The following WDR81 variants were observed in gnomAD, a reference collection of about 807,000 sequenced individuals.
The protein encoded by WDR81 is WD repeat domain 81, also known as WD repeat-containing protein 81.
WDR81 carries 92 observed loss-of-function variants against 140.8 expected under a neutral mutation model. That is an observed-to-expected ratio of 0.65 (90% confidence interval 0.55 to 0.78). The LOEUF (loss-of-function observed/expected upper bound fraction) is 0.78. WDR81 is among the 30% of genes least tolerant of loss of function. The pLI, the probability that WDR81 is intolerant of heterozygous loss-of-function variation, is 0.00. For synonymous variants in WDR81, 1,183 were observed against 1,156.4 expected (o/e 1.02, Z -0.47); for missense variants, 2,502 against 2,636.4 (o/e 0.95, Z 1.12).
intron 1 of WDR81, among the ~76,000 whole-genome samples, chr17:1,717,575 T>A (rs1212000682): frequency 1.3e-5 from 2 of 152,192 alleles, no homozygotes; most frequent in Non-Finnish European, 2.9e-5. Context: ...CTTCCTGCCT[T>A]GCGCCCCAGT....
At chr17:1,718,654 C>A (rs1174460528) in intron 1 of WDR81, among the ~76,000 whole-genome samples, 2 of 152,184 alleles carry the variant, frequency 1.3e-5, no homozygotes, top group Non-Finnish European at 2.9e-5. Context: ...CAGGGTCACT[C>A]CAGGACAAGC....
At chr17:1,724,451 C>CCGGG (rs201321353), upstream of WDR81, 2,917 of 984,398 alleles carry the variant, frequency 3.0e-3, 70 homozygotes, top group African/African-American at 0.046. Flanking sequence ...GGAACAGCCT[C>CCGGG]CGGGACCCGC....
Position 1,726,201 on chromosome 17 carries a change from C to T in WDR81, c.1242C>T (p.Asp414=). 1 of 1,525,138 alleles carries T rather than the reference C, an allele frequency of 6.6e-7. No individual in the cohort carries two copies. Among genetic ancestry groups the T allele is most frequent in the Non-Finnish European group, 8.8e-7 (1 of 1,130,710 alleles). The allele number at this position is 1,525,138 out of a possible 1,614,324, so 94.5% of individuals were successfully genotyped here. A position where few individuals can be genotyped will look rare whatever the true frequency, so the allele number is the denominator to read the frequency against. Residue 414 remains aspartate (D), a synonymous_variant, in exon 1 of 10, where the codon GAC becomes GAT. Coordinates refer to ENST00000409644, the MANE Select transcript of WDR81 (RefSeq NM_001163809.2). ...FRLNKGDKQL[D]FTYEMTRQAF... is the part of the protein sequence containing the mutation. ...TCAACAAGGGGGATAAGCAACTGGA[C>T]TTCACGTATGAGATGACACGGCAGG...
Position 1,728,530 on chromosome 17 carries a change from G to A in WDR81, c.3571G>A (p.Glu1191Lys). 6.4e-7 allele frequency: 1 copy of A among 1,562,492 alleles called. No homozygotes were observed. Among genetic ancestry groups the A allele is most frequent in the East Asian group, 2.4e-5 (1 of 42,522 alleles). ...LTLSDTVLSM[E>K]TVVAGGSGGD... The stretch of plus-strand genomic sequence containing the variant: ...TCTGTCTGACACGGTGCTGTCCATG[G>A]AGACGGTTGTGGCCGGCGGCAGTGG... The change falls in exon 1 of 10, where the codon GAG becomes AAG. Residue 1191 changes from glutamate (E) to lysine (K), a missense_variant. By Grantham distance (56) the Glu-to-Lys change is moderately conservative (BLOSUM62 1). Around this residue, in one of 3 missense-constraint regions of WDR81, gnomAD observed 1,737 missense variants for 1,843.0 expected, o/e 0.94. Transcript: ENST00000409644.
At position 1,735,770 on chromosome 17, in the gene WDR81, AAGG is replaced by A. The variant is rs762263595; in HGVS notation, c.5325+59_5325+61del. 1.9e-6 allele frequency: 3 copies of A among 1,558,638 alleles called. No individual in the cohort carries two copies. Among genetic ancestry groups the A allele is most frequent in the Non-Finnish European group, 1.7e-6 (2 of 1,152,198 alleles). On this transcript the variant is annotated intron_variant, in intron 8 of 9. Coordinates refer to ENST00000409644, the MANE Select transcript of WDR81 (RefSeq NM_001163809.2). This position sits in a 1 kb window ranked among gnomAD's most constrained non-coding sequence, Gnocchi z 4.2. ...TCGCCTGGTTCTCTGGGGACCTGGC[AAGG>A]AGGAGAGACTCCCCAAAAACAGAAA...
Position 1,730,888 on chromosome 17 carries a change from C to T in WDR81, c.3909C>T (p.Ala1303=). 6.2e-7 allele frequency: 1 copy of T among 1,613,238 alleles called. No homozygotes were observed. The highest frequency in any genetic ancestry group is 8.5e-7 in the Non-Finnish European group (1 of 1,179,984). ...GPVLSCLLHI[A]RLYGEPVLTY... Reference sequence around the variant, plus strand: ...TGCTCAGCTGCCTCCTCCACATCGCCCGCCTGTATGGGGAGCCTGTCCTCA... The same window carrying T: ...TGCTCAGCTGCCTCCTCCACATCGCTCGCCTGTATGGGGAGCCTGTCCTCA... The change falls in exon 3 of 10, where the codon GCC becomes GCT. Residue 1303 remains alanine (A), a synonymous_variant. Transcript: ENST00000409644.
At chr17:1,720,864 G>A (rs1046067805), upstream of WDR81, among the ~76,000 whole-genome samples, 1 of 151,972 alleles carries the variant, frequency 6.6e-6, no homozygotes, top group African/African-American at 2.4e-5. Flanking sequence ...ATCCCAGTGC[G>A]CCAGTTCCCA....
Position 1,727,059 on chromosome 17 carries a change from A to G in WDR81, c.2100A>G (p.Pro700=). 6.5e-7 allele frequency: 1 copy of G among 1,550,248 alleles called. No homozygotes were observed. The highest frequency in any genetic ancestry group is 8.7e-7 in the Non-Finnish European group (1 of 1,146,886). The change falls in exon 1 of 10, where the codon CCA becomes CCG. Residue 700 remains proline (P), a synonymous_variant. Coordinates refer to ENST00000409644, the MANE Select transcript of WDR81 (RefSeq NM_001163809.2). ...LSFSVASASR[P]GRRNKAAGAD... ...TCTCAGTGGCCTCAGCCTCCCGTCC[A>G]GGCCGCAGGAATAAAGCTGCTGGGG...
chr17:1,725,111 G>C lies in WDR81; in HGVS notation c.152G>C (p.Gly51Ala). ...DPRQLAPAPG[G>A]THVVALVPAR... ...AGGCAGCTGGCTCCGGCCCCGGGGG[G>C]CACCCACGTGGTGGCCCTAGTGCCT... Residue 51 changes from glycine (G) to alanine (A), a missense_variant, in exon 1 of 10, where the codon GGC becomes GCC. Transcript: ENST00000409644. 6.6e-7 allele frequency: 1 copy of C among 1,513,762 alleles called. No homozygotes were observed. The highest frequency in any genetic ancestry group is 8.8e-7 in the Non-Finnish European group (1 of 1,132,290). 93.8% of individuals were successfully genotyped at this position (1,513,762 alleles called of 1,614,324 possible). A position where few individuals can be genotyped will look rare whatever the true frequency, so the allele number is the denominator to read the frequency against.
At position 1,737,597 on chromosome 17, in the gene WDR81, G is replaced by A. The variant is rs755777471; in HGVS notation, c.5738G>A (p.Arg1913His). The change falls in exon 10 of 10, where the codon CGC becomes CAC. Residue 1913 changes from arginine to histidine, a missense_variant. Around this residue, in one of 3 missense-constraint regions of WDR81, gnomAD observed 1,737 missense variants for 1,843.0 expected, o/e 0.94. Coordinates refer to ENST00000409644, the MANE Select transcript of WDR81 (RefSeq NM_001163809.2). ...ATTKLSSENF[R>H]GTLTSLALLP... Reference sequence around the variant, plus strand: ...ACGAAGCTCAGCTCTGAGAACTTCCGCGGCACGCTCACCAGCCTGGCCTTG... The same window carrying A: ...ACGAAGCTCAGCTCTGAGAACTTCCACGGCACGCTCACCAGCCTGGCCTTG... The A allele has an allele frequency of 2.1e-5, 34 of 1,612,622 alleles. No homozygotes were observed. Among genetic ancestry groups the A allele is most frequent in the African/African-American group, 2.7e-5 (2 of 74,930 alleles).
chr17:1,719,983 C>T (rs959226749), upstream of WDR81, among the ~76,000 whole-genome samples: 3 of 151,996 alleles, frequency 2.0e-5, no homozygotes, highest in African/African-American at 4.8e-5. Flanking sequence ...CAGAAAAAAA[C>T]GAAAAACAAA....
rs1269268438 is a variant in WDR81 at position 1,726,594 on chromosome 17, C to T, written c.1635C>T (p.Ile545=). ...REVSRDLHHW[I]DLTFGYKLQG... is the part of the protein sequence containing the mutation. The stretch of plus-strand genomic sequence containing the variant: ...TATCCCGGGACCTGCACCATTGGAT[C>T]GACCTCACGTTTGGCTATAAACTCC... The change falls in exon 1 of 10, where the codon ATC becomes ATT. Residue 545 remains isoleucine, a synonymous_variant. Transcript: ENST00000409644. 3.9e-6 allele frequency: 6 copies of T among 1,550,180 alleles called. No individual in the cohort carries two copies. Among genetic ancestry groups the T allele is most frequent in the Admixed American group, 3.9e-5 (2 of 50,966 alleles).
intron 1 of WDR81, among the ~76,000 whole-genome samples, chr17:1,717,684 T>G (rs1914653438): frequency 6.6e-6 from 1 of 152,186 alleles, no homozygotes; most frequent in African/African-American, 2.4e-5. Flanking sequence ...TCCACTCCCA[T>G]GGGTGGTGAA....
chr17:1,728,554 G>A lies in WDR81; in HGVS notation c.3595G>A (p.Gly1199Arg), dbSNP rs369944815. ...GGAGACGGTTGTGGCCGGCGGCAGT[G>A]GGGGAGATGGAGAAGAAGAGGAGGA... ...SMETVVAGGS[G>R]GDGEEEEEAL... Residue 1199 changes from glycine (G) to arginine (R), a missense_variant, in exon 1 of 10, where the codon GGG becomes AGG. Physicochemically the swap from Gly to Arg is moderately radical, Grantham distance 125 (BLOSUM62 -2). Around this residue, in one of 3 missense-constraint regions of WDR81, gnomAD observed 1,737 missense variants for 1,843.0 expected, o/e 0.94. Coordinates refer to ENST00000409644, the MANE Select transcript of WDR81 (RefSeq NM_001163809.2). The A allele has an allele frequency of 2.6e-6, 4 of 1,527,118 alleles. No individual in the cohort carries two copies. The highest frequency in any genetic ancestry group is 2.4e-5 in the South Asian group (2 of 81,676). The allele number at this position is 1,527,118 out of a possible 1,614,324, so 94.6% of individuals were successfully genotyped here.
upstream of WDR81, among the ~76,000 whole-genome samples, chr17:1,723,712 C>G (rs899504124): frequency 6.6e-6 from 1 of 151,778 alleles, no homozygotes; most frequent in South Asian, 2.1e-4. Context: ...GTCTCGATCT[C>G]CTGACCTCGT....
chr17:1,723,116 A>G (rs1914962715), upstream of WDR81, among the ~76,000 whole-genome samples: 1 of 152,244 alleles, frequency 6.6e-6, no homozygotes, highest in Non-Finnish European at 1.5e-5. Flanking sequence ...CACTGTAGAC[A>G]ATGGTCTATC....
chr17:1,716,947 T>C (rs553595878), intron 1 of WDR81: 16 of 483,386 alleles, frequency 3.3e-5, no homozygotes, highest in Admixed American at 2.6e-4. Context: ...GAGGCTTTTT[T>C]TCTTGGATGT....
In WDR81 at chr17:1,727,623, G is replaced by C; in HGVS notation, c.2664G>C (p.Gln888His). ...TGCACAGATTCATCCTCCTGTACCA[G>C]GCAAGGCGTGTGGAGGACGAGGCCC... The part of the protein sequence containing the change: ...PALHRFILLY[Q>H]ARRVEDEAQG... Residue 888 changes from glutamine (Q) to histidine (H), a missense_variant, in exon 1 of 10, where the codon CAG (glutamine) becomes CAC (histidine). Coordinates refer to ENST00000409644, the MANE Select transcript of WDR81 (RefSeq NM_001163809.2). The C allele has an allele frequency of 1.3e-6, 2 of 1,550,592 alleles. No individual in the cohort carries two copies. The highest frequency in any genetic ancestry group is 1.2e-5 in the South Asian group (1 of 84,064).
chr17:1,716,649 T>G, intron 1 of WDR81: 1 of 1,551,610 alleles, frequency 6.4e-7, no homozygotes, highest in Non-Finnish European at 8.7e-7. Flanking sequence ...TTGGCATTTT[T>G]AAACTGAGCT....
Sources: gnomAD v4.1 joint callset for allele counts (sites outside exome capture counted in the v4.1 genomes callset) on GRCh38, gnomAD v4.1.1 for gene constraint, gnomAD v4.1.1 regional missense constraint, Gnocchi (gnomAD v3.1) non-coding constraint, MANE v1.5 for transcripts, NCBI Gene and HGNC (gene_info 2026-07-23, HGNC 2026-07-21) for gene names.